The following GALNT13 variants were observed in gnomAD, a reference collection of about 807,000 sequenced individuals.
GALNT13 encodes polypeptide N-acetylgalactosaminyltransferase 13, also known as UDP-GalNAc:polypeptide N-acetylgalactosaminyltransferase 13.
GALNT13 carries 28 observed loss-of-function variants against 64.2 expected under a neutral mutation model. The ratio of observed to expected loss-of-function variants is 0.44; its 90% CI spans 0.32 to 0.60. The LOEUF is 0.60. Among genes scored for constraint, GALNT13 ranks in the 20% least tolerant of loss-of-function variants. The pLI, the probability that GALNT13 is intolerant of heterozygous loss-of-function variation, is 0.05. For synonymous variants in GALNT13, 214 were observed against 224.6 expected (o/e 0.95, Z 0.42); for missense variants, 577 against 669.8 (o/e 0.86, Z 1.53).
chr2:154,274,448 A>G (rs1445163615), intron 8 of GALNT13, among the ~76,000 whole-genome samples: 2 of 152,068 alleles, frequency 1.3e-5, no homozygotes, highest in Admixed American at 6.6e-5. Flanking sequence ...CTGTGTCCCC[A>G]CCCAAATCTC....
chr2:154,225,591 A>G (rs1218562234), intron 4 of GALNT13, among the ~76,000 whole-genome samples: 1 of 152,184 alleles, frequency 6.6e-6, no homozygotes, highest in Non-Finnish European at 1.5e-5. Flanking sequence ...ACGTAGGTAC[A>G]GGAGAAAAAC....
chr2:154,103,356 AAC>A (rs1702447191), intron 3 of GALNT13, among the ~76,000 whole-genome samples: 1 of 152,168 alleles, frequency 6.6e-6, no homozygotes, highest in South Asian at 2.1e-4. Context: ...TTTTTTAAAA[AAC>A]ATATCTGTCT....
At chr2:154,410,453 A>T (rs1454201846) in intron 11 of GALNT13, among the ~76,000 whole-genome samples, 1 of 151,990 alleles carries the variant, frequency 6.6e-6, no homozygotes, top group Non-Finnish European at 1.5e-5. Context: ...AGGACTGCTG[A>T]AATTCCAGAC....
At chr2:153,963,512 G>A (rs920893050) in intron 3 of GALNT13, among the ~76,000 whole-genome samples, 5 of 152,150 alleles carry the variant, frequency 3.3e-5, no homozygotes, top group Non-Finnish European at 1.5e-5. Context: ...GTTTTCCCAA[G>A]TTGTTAGACT....
chr2:153,126,603 G>T, the GALNT13 span, among the ~76,000 whole-genome samples: 9 of 151,900 alleles, frequency 5.9e-5, no homozygotes, highest in African/African-American at 9.7e-5. Context: ...TCTAGATTTT[G>T]GATACTGTTT....
At chr2:153,624,632 T>C in the GALNT13 span, among the ~76,000 whole-genome samples, 1 of 151,936 alleles carries the variant, frequency 6.6e-6, no homozygotes, top group South Asian at 2.1e-4. Flanking sequence ...TTACATATAG[T>C]GTAAGAGAAA....
the GALNT13 span, among the ~76,000 whole-genome samples, chr2:153,393,224 C>A: frequency 6.6e-6 from 1 of 151,782 alleles, no homozygotes; most frequent in Non-Finnish European, 1.5e-5. Context: ...ATCGACTAAT[C>A]TTAATTTATT....
rs558418351 is a variant in GALNT13, at chr2:154,452,265, T to A, written c.*1714T>A. On this transcript the variant is annotated 3_prime_UTR_variant, in exon 13 of 13. Transcript: ENST00000392825. ...CATTTTTTTTTCTGAGGTGGGAGTA[T>A]GTCACTCACAGCAAACTTGGAAAGA... The A allele has an allele frequency of 6.6e-6, 1 of 151,994 alleles. No homozygotes were observed. The highest frequency in any genetic ancestry group is 1.5e-5 in the Non-Finnish European group (1 of 67,990). The allele number at this position is 151,994 out of a possible 1,614,324, so 9.4% of individuals were successfully genotyped here.
the GALNT13 span, among the ~76,000 whole-genome samples, chr2:153,464,327 G>T: frequency 6.6e-6 from 1 of 152,006 alleles, no homozygotes; most frequent in African/African-American, 2.4e-5. Context: ...GTATGACATG[G>T]ATAAACTACA....
chr2:154,342,916 T>G (rs1203909448), intron 9 of GALNT13, among the ~76,000 whole-genome samples: 1 of 151,998 alleles, frequency 6.6e-6, no homozygotes, highest in Non-Finnish European at 1.5e-5. Flanking sequence ...GCTCACTGTT[T>G]CATTTGCCTG....
upstream of GALNT13, among the ~76,000 whole-genome samples, chr2:153,870,304 T>G (rs886824668): frequency 2.0e-5 from 3 of 152,186 alleles, no homozygotes; most frequent in African/African-American, 7.2e-5. Flanking sequence ...TCACAAAGAC[T>G]GCAAAATGGA....
chr2:153,580,071 G>C, the GALNT13 span, among the ~76,000 whole-genome samples: 1 of 152,090 alleles, frequency 6.6e-6, no homozygotes, highest in Non-Finnish European at 1.5e-5. Flanking sequence ...CCTAAAAAAA[G>C]TTTCCATGAG....
At chr2:154,348,481 G>A (rs1457734181) in intron 9 of GALNT13, among the ~76,000 whole-genome samples, 2 of 151,928 alleles carry the variant, frequency 1.3e-5, no homozygotes, top group Non-Finnish European at 2.9e-5. Flanking sequence ...AGTCAAAAGG[G>A]AAGAAACACC....
chr2:154,290,316 T>C (rs1219134820), intron 8 of GALNT13, among the ~76,000 whole-genome samples: 1 of 152,168 alleles, frequency 6.6e-6, no homozygotes, highest in Non-Finnish European at 1.5e-5. Flanking sequence ...AGTCTCTCTT[T>C]AATGAGAGAT....
chr2:153,134,296 A>G, the GALNT13 span, among the ~76,000 whole-genome samples: 1 of 152,158 alleles, frequency 6.6e-6, no homozygotes, highest in Non-Finnish European at 1.5e-5. Context: ...GAAGATCACA[A>G]AAACCATTTC....
At chr2:153,891,214 T>A (rs1273061714) in intron 1 of GALNT13, among the ~76,000 whole-genome samples, 1 of 152,134 alleles carries the variant, frequency 6.6e-6, no homozygotes, top group East Asian at 1.9e-4. Context: ...TACAGATAGG[T>A]CCCTTGGGCC....
At chr2:154,156,504 A>T (rs1684431085) in intron 4 of GALNT13, among the ~76,000 whole-genome samples, 1 of 152,166 alleles carries the variant, frequency 6.6e-6, no homozygotes, top group African/African-American at 2.4e-5. Context: ...TGTATCAGCT[A>T]TATATTAAGT....
chr2:154,214,405 A>G (rs1687935583), intron 4 of GALNT13, among the ~76,000 whole-genome samples: 1 of 151,944 alleles, frequency 6.6e-6, no homozygotes, highest in Admixed American at 6.6e-5. Flanking sequence ...TCTCATTCTC[A>G]TTCCCTTCTT....
chr2:154,029,932 C>T (rs1158696175), intron 3 of GALNT13, among the ~76,000 whole-genome samples: 1 of 152,052 alleles, frequency 6.6e-6, no homozygotes, highest in Non-Finnish European at 1.5e-5. Flanking sequence ...TTGATAGGCT[C>T]ATCAATATGG....
Sources: gnomAD v4.1 joint callset for allele counts (sites outside exome capture counted in the v4.1 genomes callset) on GRCh38, gnomAD v4.1.1 for gene constraint, MANE v1.5 for transcripts, NCBI Gene and HGNC (gene_info 2026-07-23, HGNC 2026-07-21) for gene names.